The following FSTL4 variants were observed in gnomAD, a reference collection of about 807,000 sequenced individuals.
FSTL4 encodes follistatin-related protein 4.
FSTL4 carries 28 observed loss-of-function variants against 78.2 expected under a neutral mutation model. That is an observed-to-expected ratio of 0.36 (90% CI 0.27 to 0.49). The LOEUF (loss-of-function observed/expected upper bound fraction) is 0.49. FSTL4 is among the 20% of genes least tolerant of loss of function. The pLI is 0.98. For missense variants in FSTL4, 922 were observed against 1,084.9 expected, an observed-to-expected ratio of 0.85 and a Z score of 2.11; for synonymous variants, 422 against 440.5, an observed-to-expected ratio of 0.96 and a Z score of 0.53.
intron 3 of FSTL4, among the ~76,000 whole-genome samples, chr5:133,467,401 C>G (rs1757739849): frequency 1.3e-5 from 2 of 152,044 alleles, no homozygotes; most frequent in Non-Finnish European, 2.9e-5. Context: ...TGGCTCTCCC[C>G]TCCCTGATGC....
chr5:133,350,351 G>T (rs1212864358), intron 4 of FSTL4, among the ~76,000 whole-genome samples: 1 of 152,088 alleles, frequency 6.6e-6, no homozygotes, highest in African/African-American at 2.4e-5. Flanking sequence ...GCACTGCTGT[G>T]CCCGCTGGGG....
At chr5:133,266,796 G>A (rs1443324363) in intron 6 of FSTL4, among the ~76,000 whole-genome samples, 1 of 152,216 alleles carries the variant, frequency 6.6e-6, no homozygotes, top group East Asian at 1.9e-4. Context: ...AGACAAAGCA[G>A]CCTCTGCTGC....
chr5:133,622,705 A>G, the FSTL4 span, among the ~76,000 whole-genome samples: 1 of 152,076 alleles, frequency 6.6e-6, no homozygotes, highest in African/African-American at 2.4e-5. Context: ...CTTATTTGTC[A>G]TCTGTATATC....
At chr5:133,818,268 A>G in the FSTL4 span, among the ~76,000 whole-genome samples, 1 of 152,246 alleles carries the variant, frequency 6.6e-6, no homozygotes, top group East Asian at 1.9e-4. Flanking sequence ...AGGAGCTGCC[A>G]GGACTGGGAA....
At chr5:133,697,991 G>A in the FSTL4 span, among the ~76,000 whole-genome samples, 1 of 152,152 alleles carries the variant, frequency 6.6e-6, no homozygotes, top group African/African-American at 2.4e-5. Context: ...ATTTCTACTT[G>A]GGTTCTAGCA....
intron 2 of FSTL4, among the ~76,000 whole-genome samples, chr5:133,591,140 C>T (rs1342413128): frequency 7.2e-5 from 11 of 152,250 alleles, no homozygotes; most frequent in South Asian, 2.1e-4. Context: ...AAATGCAAGT[C>T]GGCCTGTGGA....
chr5:133,674,658 G>A, the FSTL4 span, among the ~76,000 whole-genome samples: 5 of 152,040 alleles, frequency 3.3e-5, no homozygotes, highest in Non-Finnish European at 5.9e-5. Flanking sequence ...ATGCATGAGA[G>A]CGACCTTTTT....
chr5:133,308,298 T>C (rs1753701219), intron 6 of FSTL4, among the ~76,000 whole-genome samples: 1 of 152,254 alleles, frequency 6.6e-6, no homozygotes, highest in Non-Finnish European at 1.5e-5. Context: ...AGGCATTGCT[T>C]GCTCTCCAAA....
intron 3 of FSTL4, among the ~76,000 whole-genome samples, chr5:133,495,313 C>T (rs1031228613): frequency 2.6e-5 from 4 of 152,212 alleles, no homozygotes; most frequent in African/African-American, 7.2e-5. Context: ...AGGCCACTCA[C>T]TGTGATTGCT....
chr5:133,736,698 C>T, the FSTL4 span, among the ~76,000 whole-genome samples: 7 of 152,244 alleles, frequency 4.6e-5, no homozygotes, highest in South Asian at 1.5e-3. Context: ...TGAGGACGTA[C>T]AGCCAAAGGC....
intron 3 of FSTL4, among the ~76,000 whole-genome samples, chr5:133,519,498 G>A (rs960914353): frequency 1.3e-5 from 2 of 152,202 alleles, no homozygotes; most frequent in Non-Finnish European, 2.9e-5. Flanking sequence ...CAACGTGCAC[G>A]CTTCTTTCTG....
At chr5:133,539,112 C>T (rs1759415794) in intron 3 of FSTL4, among the ~76,000 whole-genome samples, 2 of 152,126 alleles carry the variant, frequency 1.3e-5, no homozygotes, top group South Asian at 2.1e-4. Flanking sequence ...AGAATCACAT[C>T]TGCCACAGTT....
intron 2 of FSTL4, among the ~76,000 whole-genome samples, chr5:133,590,712 G>A (rs1046836917): frequency 9.9e-5 from 15 of 152,174 alleles, no homozygotes; most frequent in Non-Finnish European, 1.6e-4. Flanking sequence ...TGGGTCAGGC[G>A]TGGACACAGG....
chr5:133,563,832 A>G (rs1356330165), intron 3 of FSTL4, among the ~76,000 whole-genome samples: 1 of 152,268 alleles, frequency 6.6e-6, no homozygotes, highest in Non-Finnish European at 1.5e-5. Context: ...ATGAAAAATC[A>G]TGAGAGATTC....
chr5:133,435,756 T>C (rs962652241), intron 3 of FSTL4, among the ~76,000 whole-genome samples: 4 of 152,188 alleles, frequency 2.6e-5, no homozygotes, highest in Non-Finnish European at 4.4e-5. Flanking sequence ...ATCACTGATA[T>C]TGTGTTATTT....
chr5:133,307,435 T>C (rs529509233), intron 6 of FSTL4, among the ~76,000 whole-genome samples: 1 of 152,192 alleles, frequency 6.6e-6, no homozygotes, highest in South Asian at 2.1e-4. Context: ...AAATCCTGAC[T>C]CTGCTACCTG....
chr5:133,673,520 C>A, the FSTL4 span, among the ~76,000 whole-genome samples: 2 of 152,198 alleles, frequency 1.3e-5, no homozygotes, highest in Non-Finnish European at 2.9e-5. Context: ...CAAAGGTAAC[C>A]AAGATTGCCT....
intron 4 of FSTL4, among the ~76,000 whole-genome samples, chr5:133,336,593 G>T (rs1754470428): frequency 6.6e-6 from 1 of 152,150 alleles, no homozygotes; most frequent in South Asian, 2.1e-4. Context: ...CCCAGGGCAG[G>T]GGTGAGAGGC....
chr5:133,798,219 A>G, the FSTL4 span, among the ~76,000 whole-genome samples: 1 of 152,254 alleles, frequency 6.6e-6, no homozygotes, highest in Non-Finnish European at 1.5e-5. Context: ...GGCCAAAAAT[A>G]AGTAAAAATA....
Sources: gnomAD v4.1 joint callset for allele counts (sites outside exome capture counted in the v4.1 genomes callset) on GRCh38, gnomAD v4.1.1 for gene constraint, MANE v1.5 for transcripts, NCBI Gene and HGNC (gene_info 2026-07-23, HGNC 2026-07-21) for gene names.